DLG2: variants seen among roughly 807,000 people sequenced by gnomAD.
The protein encoded by DLG2 is discs large MAGUK scaffold protein 2, also known as disks large homolog 2.
Under a neutral mutation model 132.5 loss-of-function variants are expected in DLG2, and 45 were observed. That is an observed-to-expected ratio of 0.34 (90% CI 0.27 to 0.44). DLG2 has a LOEUF of 0.44. Ranked by LOEUF, DLG2 falls within the 20% of genes least tolerant of loss-of-function variation. The probability of loss-of-function intolerance (pLI) is 1.00; values close to 1 mark genes in which losing one functional copy is unlikely to be tolerated. For missense variants in DLG2, 1,045 were observed against 1,196.9 expected (o/e 0.87, Z 1.87); for synonymous variants, 424 against 419.6 (o/e 1.01, Z -0.13).
chr11:83,870,511 T>C (rs895028336), intron 16 of DLG2, among the ~76,000 whole-genome samples: 4 of 152,296 alleles, frequency 2.6e-5, no homozygotes, highest in Middle Eastern at 3.4e-3. Context: ...CAGTCATTCG[T>C]TGATAGGCAC....
intron 18 of DLG2, among the ~76,000 whole-genome samples, chr11:83,774,842 A>G (rs1255384267): frequency 6.6e-6 from 1 of 152,002 alleles, no homozygotes; most frequent in Non-Finnish European, 1.5e-5. Flanking sequence ...AAATATGATT[A>G]CCCCTACATT....
At chr11:83,997,408 C>G (rs1019651049) in intron 11 of DLG2, among the ~76,000 whole-genome samples, 3 of 152,056 alleles carry the variant, frequency 2.0e-5, no homozygotes, top group African/African-American at 7.2e-5. Flanking sequence ...ATGTAGTCAG[C>G]CTTTAACTTG....
At chr11:84,105,733 C>G (rs901945953) in intron 9 of DLG2, among the ~76,000 whole-genome samples, 40 of 152,186 alleles carry the variant, frequency 2.6e-4, no homozygotes, top group Non-Finnish European at 1.0e-4. Flanking sequence ...GTTCTTTTAA[C>G]ATTTTAATAC....
intron 3 of DLG2, among the ~76,000 whole-genome samples, chr11:85,427,218 G>C (rs1303194979): frequency 1.3e-5 from 2 of 152,200 alleles, no homozygotes; most frequent in Non-Finnish European, 2.9e-5. Flanking sequence ...TATTATCCAG[G>C]AGAACTTCCC....
chr11:83,992,584 T>A (rs932650031), intron 11 of DLG2, among the ~76,000 whole-genome samples: 1 of 152,030 alleles, frequency 6.6e-6, no homozygotes, highest in Non-Finnish European at 1.5e-5. Context: ...AAGTAATAAG[T>A]AGTTTTAGGC....
At chr11:84,530,880 C>T (rs1387313352) in intron 7 of DLG2, among the ~76,000 whole-genome samples, 2 of 152,222 alleles carry the variant, frequency 1.3e-5, no homozygotes, top group African/African-American at 4.8e-5. Context: ...ACCTAAATGC[C>T]CATCAACAGT....
chr11:84,332,014 A>T (rs867511976), intron 7 of DLG2, among the ~76,000 whole-genome samples: 1 of 152,290 alleles, frequency 6.6e-6, no homozygotes, highest in Middle Eastern at 3.4e-3. Flanking sequence ...TCTTTTCTGC[A>T]GAAAGGTCAT....
At position 83,835,055 on chromosome 11, in the gene DLG2, G is replaced by C. The variant is rs575988258; in HGVS notation, c.1566-1285C>G. On this transcript the variant is annotated intron_variant, in intron 16 of 27. Transcript: ENST00000376104. ...GCATTATGTATATATGCCTTATTATGAGGAAAGGTGTAAAGTGCACCTCAC... is the reference window on the plus strand; with the variant it reads ...GCATTATGTATATATGCCTTATTATCAGGAAAGGTGTAAAGTGCACCTCAC... Among the ~76,000 whole-genome samples, 72 of 152,266 alleles carry C rather than the reference G, an allele frequency of 4.7e-4. 1 individual carries two copies. Among genetic ancestry groups the C allele is most frequent in the African/African-American group, 1.6e-3 (66 of 41,534 alleles).
chr11:85,614,713 T>A (rs2081229901), intron 2 of DLG2, among the ~76,000 whole-genome samples: 1 of 152,250 alleles, frequency 6.6e-6, no homozygotes, highest in African/African-American at 2.4e-5. Context: ...TAATATTAGC[T>A]AGCATTTGTG....
At chr11:84,973,138 T>C (rs2054344775) in intron 6 of DLG2, among the ~76,000 whole-genome samples, 1 of 152,000 alleles carries the variant, frequency 6.6e-6, no homozygotes, top group African/African-American at 2.4e-5. Flanking sequence ...TTTGTATTTT[T>C]AGTAGAGACG....
chr11:83,793,239 T>C (rs554728071), intron 17 of DLG2, among the ~76,000 whole-genome samples: 1 of 152,320 alleles, frequency 6.6e-6, no homozygotes, highest in Admixed American at 6.5e-5. Flanking sequence ...TTTTAACTTT[T>C]CTTTCGTACA....
chr11:83,726,565 C>A (rs547823976), intron 18 of DLG2, among the ~76,000 whole-genome samples: 1 of 152,058 alleles, frequency 6.6e-6, no homozygotes, highest in African/African-American at 2.4e-5. Flanking sequence ...CTGAGCCAGG[C>A]AGGAAGGCAG....
At chr11:84,447,515 A>G (rs1268123958) in intron 7 of DLG2, among the ~76,000 whole-genome samples, 1 of 152,160 alleles carries the variant, frequency 6.6e-6, no homozygotes, top group Non-Finnish European at 1.5e-5. Flanking sequence ...CTTTTATGCC[A>G]TTAGCAAAGA....
intron 17 of DLG2, among the ~76,000 whole-genome samples, chr11:83,833,082 C>A (rs2055024830): frequency 6.6e-6 from 1 of 152,124 alleles, no homozygotes; most frequent in Admixed American, 6.5e-5. Flanking sequence ...AACATTAGCA[C>A]CTTCGCCTTT....
At chr11:84,863,905 A>C (rs941811679) in intron 6 of DLG2, among the ~76,000 whole-genome samples, 1 of 152,182 alleles carries the variant, frequency 6.6e-6, no homozygotes, top group African/African-American at 2.4e-5. Flanking sequence ...AAATGGATAC[A>C]GCTCCATGTC....
At chr11:85,166,191 C>G (rs192721137) in intron 4 of DLG2, among the ~76,000 whole-genome samples, 78 of 152,204 alleles carry the variant, frequency 5.1e-4, no homozygotes, top group African/African-American at 1.8e-3. Flanking sequence ...ATCTCTTGAA[C>G]TCTCCTTCTC....
intron 15 of DLG2, among the ~76,000 whole-genome samples, chr11:83,925,153 A>G (rs1235185707): frequency 6.6e-6 from 1 of 152,132 alleles, no homozygotes; most frequent in Non-Finnish European, 1.5e-5. Context: ...TACACAGAGT[A>G]GCGTTTCAGA....
At chr11:85,065,749 A>T (rs2064817834) in intron 6 of DLG2, among the ~76,000 whole-genome samples, 1 of 151,166 alleles carries the variant, frequency 6.6e-6, no homozygotes, top group Non-Finnish European at 1.5e-5. Flanking sequence ...GTGGAAATTT[A>T]AAAAATATAT....
intron 10 of DLG2, among the ~76,000 whole-genome samples, chr11:84,094,481 T>C (rs2097139767): frequency 6.6e-6 from 1 of 152,104 alleles, no homozygotes; most frequent in South Asian, 2.1e-4. Flanking sequence ...TATTTAACTG[T>C]CAAAAATATA....
Sources: gnomAD v4.1 joint callset for allele counts (sites outside exome capture counted in the v4.1 genomes callset) on GRCh38, gnomAD v4.1.1 for gene constraint, MANE v1.5 for transcripts, NCBI Gene and HGNC (gene_info 2026-07-23, HGNC 2026-07-21) for gene names.